The following SFSWAP variants were observed in gnomAD, a reference collection of about 807,000 sequenced individuals.
The protein encoded by SFSWAP is splicing factor SWAP.
Under a neutral mutation model 100.7 loss-of-function variants are expected in SFSWAP, and 17 were observed. That is an observed-to-expected ratio of 0.17 (90% CI 0.12 to 0.25). The LOEUF (loss-of-function observed/expected upper bound fraction) is 0.25. SFSWAP is among the 10% of genes least tolerant of loss of function. The pLI is 1.00. For missense variants in SFSWAP, 1,005 were observed against 1,262.6 expected, an observed-to-expected ratio of 0.80 and a Z score of 3.09; for synonymous variants, 504 against 510.1, an observed-to-expected ratio of 0.99 and a Z score of 0.16.
At chr12:131,741,007 C>CTGTTGCCTAAGCTGGA (rs1200646849) in intron 7 of SFSWAP, among the ~76,000 whole-genome samples, 1 of 105,042 alleles carries the variant, frequency 9.5e-6, no homozygotes, top group Non-Finnish European at 1.7e-5. Flanking sequence ...GAGTCTCACT[C>CTGTTGCCTAAGCTGGA]TGTTGCCTAA....
Position 131,714,975 on chromosome 12 carries a change from C to G in SFSWAP, c.520+22C>G, listed in dbSNP as rs529511513. ...AGAGGTGAGTGGGGAGCTGCCTGGA[C>G]TGCTGGTGTAGGGCTACACGTGTAC... is the stretch of plus-strand genomic sequence containing the variant. On this transcript the variant is annotated intron_variant, in intron 3 of 17. Coordinates refer to ENST00000261674, the MANE Select transcript of SFSWAP (RefSeq NM_004592.4). The surrounding 1 kb of genome is among the most constrained non-coding windows in gnomAD (Gnocchi z 6.0). 3 of 1,613,292 alleles carry G rather than the reference C, an allele frequency of 1.9e-6. No homozygotes were observed. The South Asian group carries it at 3.3e-5, about 18-fold the overall frequency.
At chr12:131,762,198 A>T (rs577286694) in intron 11 of SFSWAP, among the ~76,000 whole-genome samples, 1 of 152,096 alleles carries the variant, frequency 6.6e-6, no homozygotes, top group South Asian at 2.1e-4. Flanking sequence ...GCGCCTTTGC[A>T]CTTCAGCCTG....
At chr12:131,793,729 A>G (rs2136280323) in intron 15 of SFSWAP, among the ~76,000 whole-genome samples, 1 of 152,230 alleles carries the variant, frequency 6.6e-6, no homozygotes, top group South Asian at 2.1e-4. Flanking sequence ...CAAAAAGACA[A>G]AGGACCCAAT....
intron 7 of SFSWAP, among the ~76,000 whole-genome samples, chr12:131,745,712 A>G (rs909421516): frequency 1.3e-5 from 2 of 151,708 alleles, no homozygotes; most frequent in Admixed American, 6.6e-5. Flanking sequence ...TACCTGTTTC[A>G]GGGATCTGCA....
chr12:131,781,491 C>G (rs1003766562), intron 14 of SFSWAP, among the ~76,000 whole-genome samples: 1 of 152,180 alleles, frequency 6.6e-6, no homozygotes, highest in Non-Finnish European at 1.5e-5. Flanking sequence ...CCCGCCTCGG[C>G]CTCCCAAAGT....
At chr12:131,716,979 GT>G (rs1197163512) in intron 3 of SFSWAP, among the ~76,000 whole-genome samples, 4 of 152,092 alleles carry the variant, frequency 2.6e-5, no homozygotes, top group Non-Finnish European at 5.9e-5. Context: ...TTTTCTTTCT[GT>G]AATCGTGTTC....
Position 131,753,308 on chromosome 12 carries a change from C to G in SFSWAP, c.1267C>G (p.Pro423Ala). Residue 423 changes from proline (P) to alanine (A), a missense_variant, in exon 8 of 18, where the codon CCC becomes GCC. By Grantham distance (27) the Pro-to-Ala change is conservative. This residue lies in a region of SFSWAP where 311 missense variants were observed against 317.8 expected (regional missense o/e 0.98). Transcript: ENST00000261674. ...PPPPGTTPLP[P>A]PTTAETSSGA... ...ACCTCCTGGGACCACACCACTACCGCCCCCAACCACAGCAGAGACTAGCAG... is the reference window on the plus strand; with the variant it reads ...ACCTCCTGGGACCACACCACTACCGGCCCCAACCACAGCAGAGACTAGCAG... 6.2e-7 allele frequency: 1 copy of G among 1,611,054 alleles called. No individual in the cohort carries two copies. The highest frequency in any genetic ancestry group is 1.1e-5 in the South Asian group (1 of 90,940).
intron 4 of SFSWAP, among the ~76,000 whole-genome samples, chr12:131,721,244 A>G (rs968137902): frequency 5.3e-5 from 8 of 152,324 alleles, no homozygotes; most frequent in South Asian, 2.1e-4. Context: ...GGGAATGACA[A>G]TTCTACAGGA....
chr12:131,759,944 G>A (rs1882514764), intron 11 of SFSWAP, among the ~76,000 whole-genome samples: 1 of 152,164 alleles, frequency 6.6e-6, no homozygotes, highest in South Asian at 2.1e-4. Context: ...CAGATGCCGA[G>A]AAAGCAGCAA....
intron 7 of SFSWAP, among the ~76,000 whole-genome samples, chr12:131,743,428 A>C (rs1242666832): frequency 2.0e-5 from 3 of 152,252 alleles, no homozygotes; most frequent in Middle Eastern, 3.2e-3. Flanking sequence ...GGGGCTGCAC[A>C]GGCCCTGTAC....
At chr12:131,747,227 G>T (rs935501567) in intron 7 of SFSWAP, among the ~76,000 whole-genome samples, 1 of 152,108 alleles carries the variant, frequency 6.6e-6, no homozygotes, top group Non-Finnish European at 1.5e-5. Context: ...ACCTCCTTCT[G>T]CCATGGAGCT....
At chr12:131,771,370 G>A (rs1221743126) in intron 13 of SFSWAP, among the ~76,000 whole-genome samples, 2 of 152,138 alleles carry the variant, frequency 1.3e-5, no homozygotes, top group South Asian at 2.1e-4. Flanking sequence ...CTTTGTGAAC[G>A]ATGCCGCTTT....
chr12:131,751,446 G>A (rs1238330797), intron 7 of SFSWAP, among the ~76,000 whole-genome samples: 1 of 152,202 alleles, frequency 6.6e-6, no homozygotes, highest in Non-Finnish European at 1.5e-5. Flanking sequence ...TAGCCAGTCG[G>A]TAGTGGGGTC....
intron 5 of SFSWAP, 118 bp from the exon 6 acceptor site, chr12:131,726,822 A>T (rs1879024949): frequency 1.5e-6 from 1 of 675,862 alleles, no homozygotes; most frequent in East Asian, 2.7e-5. Flanking sequence ...GAAATTTCTA[A>T]AAGTGTTTTT....
At chr12:131,746,780 C>T (rs922554088) in intron 7 of SFSWAP, among the ~76,000 whole-genome samples, 12 of 152,124 alleles carry the variant, frequency 7.9e-5, no homozygotes, top group Non-Finnish European at 1.3e-4. Flanking sequence ...TGCTGGATGC[C>T]GCCATCTGCA....
chr12:131,712,128 G>A (rs1877420743), intron 1 of SFSWAP: 1 of 152,678 alleles, frequency 6.5e-6, no homozygotes, highest in African/African-American at 2.4e-5. Context: ...GCTCTTGGAA[G>A]AGATAGTGTT....
At chr12:131,740,972 T>C (rs1279660029) in intron 7 of SFSWAP, among the ~76,000 whole-genome samples, 15 of 125,488 alleles carry the variant, frequency 1.2e-4, no homozygotes, top group African/African-American at 3.1e-4. Flanking sequence ...TTTTCTTTTT[T>C]TTTTTTTTTT....
chr12:131,738,907 T>C (rs1880319931), intron 7 of SFSWAP, among the ~76,000 whole-genome samples: 1 of 125,394 alleles, frequency 8.0e-6, no homozygotes, highest in Non-Finnish European at 1.7e-5. Context: ...TTTTTTTTTT[T>C]TTGAGACAGG....
Position 131,714,750 on chromosome 12 carries a change from A to G in SFSWAP, c.389-72A>G. 2.1e-6 allele frequency: 3 copies of G among 1,424,944 alleles called. No individual in the cohort carries two copies. The highest frequency in any genetic ancestry group is 2.9e-6 in the Non-Finnish European group (3 of 1,023,872). The allele number at this position is 1,424,944 out of a possible 1,614,324, so 88.3% of individuals were successfully genotyped here. A position where few individuals can be genotyped will look rare whatever the true frequency, so the allele number is the denominator to read the frequency against. On this transcript the variant is annotated intron_variant, in intron 2 of 17. Transcript: ENST00000261674. This position sits in a 1 kb window ranked among gnomAD's most constrained non-coding sequence, Gnocchi z 6.0. ...GTTGTATGCTTTACTGATAGCTACA[A>G]CTTTAGAAATATATAAAGTTTTTCT...
Sources: gnomAD v4.1 joint callset for allele counts (sites outside exome capture counted in the v4.1 genomes callset) on GRCh38, gnomAD v4.1.1 for gene constraint, gnomAD v4.1.1 regional missense constraint, Gnocchi (gnomAD v3.1) non-coding constraint, MANE v1.5 for transcripts, NCBI Gene and HGNC (gene_info 2026-07-23, HGNC 2026-07-21) for gene names.